CCDC63: variants seen among roughly 807,000 people sequenced by gnomAD.
CCDC63 encodes coiled-coil domain containing 63, also known as coiled-coil domain-containing protein 63.
Under a neutral mutation model 63.6 loss-of-function variants are expected in CCDC63, and 54 were observed. The observed-to-expected ratio is 0.85, with a 90% CI of 0.68 to 1.07. The LOEUF (loss-of-function observed/expected upper bound fraction) is 1.07. CCDC63 is among the 50% of genes least tolerant of loss of function. The probability of loss-of-function intolerance (pLI) is 0.00; values close to 1 mark genes in which losing one functional copy is unlikely to be tolerated. For missense variants in CCDC63, 637 were observed against 689.6 expected (o/e 0.92, Z 0.86); for synonymous variants, 253 against 266.1 (o/e 0.95, Z 0.48).
rs373774891 is a variant in CCDC63, at chr12:110,870,435, A to T, written c.370-3407A>T. 3.8e-4 allele frequency among the ~76,000 whole-genome samples: 58 copies of T among 152,314 alleles called. 1 individual carries two copies. The South Asian group carries it at 0.011, about 30-fold the overall frequency. On this transcript the variant is annotated intron_variant, in intron 4 of 11. Transcript: ENST00000308208. The stretch of plus-strand genomic sequence containing the variant: ...ATTCATGTCCTTTTACTGTCCCAGG[A>T]TCTAATCCAGGGCACCAATTTGCAT...
chr12:110,899,652 AT>A (rs1326862753), intron 10 of CCDC63, among the ~76,000 whole-genome samples: 2 of 148,838 alleles, frequency 1.3e-5, no homozygotes, highest in Admixed American at 6.7e-5. Flanking sequence ...TGTGCTTCAG[AT>A]TTTTGATCGA....
chr12:110,867,180 A>C (rs1360433433), intron 4 of CCDC63, among the ~76,000 whole-genome samples: 342 of 47,242 alleles, frequency 7.2e-3, no homozygotes, highest in Admixed American at 0.01. Context: ...GGGGGCTGAC[A>C]CCCCCACCTC....
At chr12:110,874,594 C>T (rs2071107952) in intron 5 of CCDC63, among the ~76,000 whole-genome samples, 1 of 152,218 alleles carries the variant, frequency 6.6e-6, no homozygotes, top group Non-Finnish European at 1.5e-5. Context: ...TCCACCTCTC[C>T]TCTGAGTGGA....
intron 11 of CCDC63, among the ~76,000 whole-genome samples, chr12:110,905,122 A>G (rs912840653): frequency 7.9e-5 from 12 of 152,174 alleles, no homozygotes; most frequent in South Asian, 4.1e-4. Flanking sequence ...GCAAGTTATG[A>G]GTAAACAGAG....
chr12:110,886,923 T>C (rs113609334), intron 8 of CCDC63, among the ~76,000 whole-genome samples: 3,335 of 152,248 alleles, frequency 0.022, 123 homozygotes, highest in African/African-American at 0.077. Flanking sequence ...ACATTCACCT[T>C]GAGGCTGCTC....
chr12:110,901,811 C>CTCCT (rs1200626256), intron 10 of CCDC63, among the ~76,000 whole-genome samples: 19 of 150,934 alleles, frequency 1.3e-4, no homozygotes, highest in South Asian at 4.2e-4. Flanking sequence ...CATTTTCTTT[C>CTCCT]TCCTTCCTTC....
chr12:110,846,284 G>T (rs1288967598), upstream of CCDC63, among the ~76,000 whole-genome samples: 2 of 152,218 alleles, frequency 1.3e-5, no homozygotes, highest in Non-Finnish European at 2.9e-5. Flanking sequence ...TTAATTCTGT[G>T]ATTGTTTCTA....
At chr12:110,857,148 A>G (rs2070783393) in intron 3 of CCDC63, among the ~76,000 whole-genome samples, 1 of 146,342 alleles carries the variant, frequency 6.8e-6, no homozygotes, top group African/African-American at 2.6e-5. Flanking sequence ...TATTGTTGAG[A>G]TGGAGTCTTG....
chr12:110,851,693 C>T (rs1394146049), intron 1 of CCDC63, among the ~76,000 whole-genome samples: 1 of 152,126 alleles, frequency 6.6e-6, no homozygotes, highest in Non-Finnish European at 1.5e-5. Context: ...ACCCCTCTCA[C>T]CCTCATCAAC....
intron 10 of CCDC63, among the ~76,000 whole-genome samples, chr12:110,901,897 C>G (rs1319460148): frequency 6.6e-6 from 1 of 152,024 alleles, no homozygotes; most frequent in South Asian, 2.1e-4. Context: ...ATGGCATGAT[C>G]TCAGCTCACT....
At chr12:110,844,646 C>T (rs1457890165), upstream of CCDC63, among the ~76,000 whole-genome samples, 6 of 152,138 alleles carry the variant, frequency 3.9e-5, no homozygotes, top group Admixed American at 2.6e-4. Flanking sequence ...CTTAGATTCC[C>T]AGTCATTGGC....
At chr12:110,878,319 A>G (rs1362174904) in intron 5 of CCDC63, among the ~76,000 whole-genome samples, 2 of 151,790 alleles carry the variant, frequency 1.3e-5, no homozygotes, top group Admixed American at 6.6e-5. Flanking sequence ...CACACACCCC[A>G]ATTTCTTGTT....
In CCDC63 at chr12:110,884,041, A is replaced by G. The variant is rs759585663; in HGVS notation, c.865A>G (p.Lys289Glu). The G allele has an allele frequency of 2.5e-5, 40 of 1,613,698 alleles. No individual in the cohort carries two copies. The highest frequency in any genetic ancestry group is 2.9e-5 in the Non-Finnish European group (34 of 1,179,792). ...QAKREEALKA[K>E]KHVKKNRGES... ...TTTTCCTTTCCTAGCTCTCAAGGCA[A>G]AGAAGCATGTCAAGAAGAACAGGGG... Residue 289 changes from lysine (K) to glutamate (E), a missense_variant, in exon 8 of 12, where the codon AAG (lysine) becomes GAG (glutamate). Lys to Glu is a moderately conservative substitution (Grantham distance 56, BLOSUM62 1). Transcript: ENST00000308208.
rs766689826 is a variant in CCDC63, at chr12:110,879,915, C to A, written c.499C>A (p.His167Asn). 3 of 1,614,140 alleles carry A rather than the reference C, an allele frequency of 1.9e-6. No homozygotes were observed. The highest frequency in any genetic ancestry group is 2.2e-5 in the East Asian group (1 of 44,886). ...LETRLNLVTVHFDKMLTTNAK... is the reference protein window; with the variant it reads ...LETRLNLVTVNFDKMLTTNAK... ...ATGGCCCTTTCAACAGGTCACTGTT[C>A]ACTTTGACAAGATGCTGACCACTAA... is the stretch of plus-strand genomic sequence containing the variant. The change falls in exon 6 of 12, where the codon CAC becomes AAC. Residue 167 changes from histidine to asparagine, a missense_variant. Transcript: ENST00000308208.
chr12:110,893,827 T>C (rs2071386187), intron 9 of CCDC63, among the ~76,000 whole-genome samples: 1 of 152,110 alleles, frequency 6.6e-6, no homozygotes, highest in African/African-American at 2.4e-5. Context: ...TGAAACCCCA[T>C]CTCTACTAAT....
intron 4 of CCDC63, among the ~76,000 whole-genome samples, chr12:110,861,383 CCT>C (rs1207401955): frequency 6.6e-6 from 1 of 152,176 alleles, no homozygotes; most frequent in Non-Finnish European, 1.5e-5. Context: ...GCTCTGCCTG[CCT>C]CTCTCACCTC....
chr12:110,896,891 G>A (rs928095124), intron 9 of CCDC63, among the ~76,000 whole-genome samples: 2 of 152,156 alleles, frequency 1.3e-5, no homozygotes, highest in African/African-American at 4.8e-5. Context: ...CTAAAACCAG[G>A]TGGCCTGGTC....
chr12:110,863,500 C>G (rs2070891428), intron 4 of CCDC63, among the ~76,000 whole-genome samples: 1 of 151,384 alleles, frequency 6.6e-6, no homozygotes, highest in Admixed American at 6.6e-5. Flanking sequence ...ATGTTGTTAT[C>G]ACATAACAAA....
chr12:110,856,531 C>T (rs549818808), intron 3 of CCDC63, among the ~76,000 whole-genome samples: 1 of 152,166 alleles, frequency 6.6e-6, no homozygotes, highest in South Asian at 2.1e-4. Flanking sequence ...GACAGGAGGT[C>T]ACTGGCCAAA....
Sources: allele counts gnomAD v4.1 joint callset (sites outside exome capture counted in the v4.1 genomes callset), GRCh38; gene constraint gnomAD v4.1.1; transcripts MANE v1.5; gene names NCBI Gene and HGNC (gene_info 2026-07-23, HGNC 2026-07-21).